The following GYPE variants were observed in gnomAD, a reference collection of about 807,000 sequenced individuals.
The protein encoded by GYPE is glycophorin-E.
In GYPE, 8 loss-of-function variants were observed where a neutral mutation model predicts 11.6. The observed-to-expected ratio is 0.69, with a 90% CI of 0.41 to 1.25. The LOEUF (loss-of-function observed/expected upper bound fraction) is 1.25, where lower values mean the gene tolerates loss of function less well. GYPE is among the 50% of genes most tolerant of loss of function. The pLI is 0.01. For missense variants in GYPE, 90 were observed against 92.8 expected (o/e 0.97, Z 0.12); for synonymous variants, 28 against 29.6 (o/e 0.94, Z 0.18).
rs1008646979 is a variant in GYPE at position 143,871,326 on chromosome 4, G to T, written c.*936C>A. Reference sequence around the variant, plus strand: ...GTTACGGGTGGCATATAATATACAGGTAAGCCAATGTTACAGGATGTTGTG... The same window carrying T: ...GTTACGGGTGGCATATAATATACAGTTAAGCCAATGTTACAGGATGTTGTG... On this transcript the variant is annotated 3_prime_UTR_variant, in exon 4 of 4. Coordinates refer to ENST00000358615, the MANE Select transcript of GYPE (RefSeq NM_198682.3). 3.3e-5 allele frequency: 5 copies of T among 152,048 alleles called. No homozygotes were observed. The highest frequency in any genetic ancestry group is 3.3e-4 in the Admixed American group (5 of 15,248). The allele number at this position is 152,048 out of a possible 1,614,324, so 9.4% of individuals were successfully genotyped here. A position where few individuals can be genotyped will look rare whatever the true frequency, so the allele number is the denominator to read the frequency against.
intron 3 of GYPE, among the ~76,000 whole-genome samples, chr4:143,873,078 G>A (rs573202432): frequency 1.1e-4 from 17 of 152,312 alleles, no homozygotes; most frequent in East Asian, 3.9e-4. Flanking sequence ...AGTAGAGACA[G>A]GGAGACAAGC....
At chr4:143,898,303 G>T (rs1229351374) in intron 1 of GYPE, among the ~76,000 whole-genome samples, 1 of 152,122 alleles carries the variant, frequency 6.6e-6, no homozygotes, top group Non-Finnish European at 1.5e-5. Context: ...CTTGAACCTG[G>T]GAGGCAGAGG....
At chr4:143,880,285 T>C in intron 2 of GYPE, 126 bp downstream of exon 2, 2 of 1,457,598 alleles carry the variant, frequency 1.4e-6, no homozygotes, top group South Asian at 1.2e-5. Flanking sequence ...CTTAGTAGGC[T>C]GTGTCTACTT....
At chr4:143,897,292 C>T (rs1288738608) in intron 1 of GYPE, among the ~76,000 whole-genome samples, 1 of 151,900 alleles carries the variant, frequency 6.6e-6, no homozygotes, top group Non-Finnish European at 1.5e-5. Flanking sequence ...AAGAAGACCC[C>T]GTATTTACAA....
chr4:143,905,238 A>C (rs1189042825), intron 1 of GYPE, among the ~76,000 whole-genome samples: 1 of 152,196 alleles, frequency 6.6e-6, no homozygotes, highest in Non-Finnish European at 1.5e-5. Flanking sequence ...CTTAGAATTG[A>C]AGTAAGCTTC....
At chr4:143,873,360 G>T in intron 3 of GYPE, 1 of 439,176 alleles carries the variant, frequency 2.3e-6, no homozygotes, top group Non-Finnish European at 4.5e-6. Flanking sequence ...TTTTCACCTG[G>T]TTGGCAATAT....
intron 2 of GYPE, among the ~76,000 whole-genome samples, chr4:143,878,912 A>G (rs4835061): frequency 0.25 from 38,448 of 152,082 alleles, 5,053 homozygotes; most frequent in East Asian, 0.36. Flanking sequence ...ACAAATAAGC[A>G]AATTGTCTTA....
At chr4:143,900,581 C>T (rs374738651) in intron 1 of GYPE, among the ~76,000 whole-genome samples, 43 of 146,750 alleles carry the variant, frequency 2.9e-4, no homozygotes, top group African/African-American at 1.0e-3. Flanking sequence ...ATATATCAAC[C>T]CAAATTTTCA....
At chr4:143,899,615 A>G (rs1263788641) in intron 1 of GYPE, among the ~76,000 whole-genome samples, 1 of 151,770 alleles carries the variant, frequency 6.6e-6, no homozygotes, top group Non-Finnish European at 1.5e-5. Context: ...TTTTGCCCCA[A>G]GAACAGACAT....
intron 2 of GYPE, among the ~76,000 whole-genome samples, chr4:143,878,952 T>G (rs555864921): frequency 3.8e-4 from 58 of 152,288 alleles, no homozygotes; most frequent in South Asian, 1.0e-3. Flanking sequence ...GAGAAAGTAT[T>G]GGAAGAATCA....
intron 3 of GYPE, among the ~76,000 whole-genome samples, chr4:143,875,931 G>T (rs1026680930): frequency 6.6e-6 from 1 of 150,982 alleles, no homozygotes; most frequent in Non-Finnish European, 1.5e-5. Context: ...CAGAGATTGC[G>T]CCACTTTGCA....
chr4:143,882,200 T>G (rs894626032), intron 1 of GYPE, among the ~76,000 whole-genome samples: 2 of 152,114 alleles, frequency 1.3e-5, no homozygotes, highest in African/African-American at 4.8e-5. Context: ...AAACAATTAC[T>G]GAATGTTTCT....
intron 1 of GYPE, among the ~76,000 whole-genome samples, chr4:143,899,198 T>C (rs1233023648): frequency 6.7e-6 from 1 of 148,406 alleles, no homozygotes; most frequent in Non-Finnish European, 1.5e-5. Flanking sequence ...AGCAGAACAC[T>C]GAGTGACAAT....
intron 1 of GYPE, 44 bp downstream of exon 1, chr4:143,905,427 T>C (rs1436766260): frequency 1.6e-5 from 26 of 1,612,194 alleles, no homozygotes; most frequent in Non-Finnish European, 2.1e-5. Context: ...TTCTATGATC[T>C]CATACCCAAT....
At chr4:143,904,248 A>T (rs980252089) in intron 1 of GYPE, among the ~76,000 whole-genome samples, 6 of 151,996 alleles carry the variant, frequency 3.9e-5, no homozygotes, top group East Asian at 3.9e-4. Flanking sequence ...ATTAATACTT[A>T]TTAATCATGA....
intron 1 of GYPE, among the ~76,000 whole-genome samples, chr4:143,900,118 T>C (rs900528330): frequency 6.6e-6 from 1 of 151,698 alleles, no homozygotes; most frequent in African/African-American, 2.4e-5. Context: ...AAAATAGATT[T>C]AAAAATGGGT....
intron 1 of GYPE, among the ~76,000 whole-genome samples, chr4:143,895,537 C>T (rs900749142): frequency 2.7e-5 from 4 of 149,940 alleles, no homozygotes; most frequent in Non-Finnish European, 5.9e-5. Flanking sequence ...ACATTCCATG[C>T]TCATGGGTAG....
intron 1 of GYPE, among the ~76,000 whole-genome samples, chr4:143,894,533 G>A (rs1207165406): frequency 2.6e-5 from 4 of 151,964 alleles, no homozygotes; most frequent in Admixed American, 6.6e-5. Context: ...CTAACACATA[G>A]GACCCTCAGC....
At chr4:143,895,395 T>A (rs56881291) in intron 1 of GYPE, among the ~76,000 whole-genome samples, 2,366 of 151,816 alleles carry the variant, frequency 0.016, 84 homozygotes, top group African/African-American at 0.054. Context: ...ATGAGTGAAA[T>A]CCCATTCACA....
Sources: allele counts gnomAD v4.1 joint callset (sites outside exome capture counted in the v4.1 genomes callset), GRCh38; gene constraint gnomAD v4.1.1; transcripts MANE v1.5; gene names NCBI Gene and HGNC (gene_info 2026-07-23, HGNC 2026-07-21).